The following ATG2B variants were observed in gnomAD, a reference collection of about 807,000 sequenced individuals.
The protein encoded by ATG2B is autophagy-related protein 2 homolog B.
A neutral mutation model predicts 241.3 loss-of-function variants in ATG2B; 121 were observed. The observed-to-expected ratio is 0.50, with a 90% CI of 0.43 to 0.58. The LOEUF is 0.58. Ranked by LOEUF, ATG2B falls within the 20% of genes least tolerant of loss-of-function variation. The pLI is 0.00. For missense variants in ATG2B, 2,306 were observed against 2,491.6 expected, an observed-to-expected ratio of 0.93 and a Z score of 1.59; for synonymous variants, 858 against 876.6, an observed-to-expected ratio of 0.98 and a Z score of 0.37.
intron 28 of ATG2B, among the ~76,000 whole-genome samples, chr14:96,310,890 T>G (rs922070329): frequency 6.6e-6 from 1 of 151,932 alleles, no homozygotes; most frequent in Non-Finnish European, 1.5e-5. Context: ...AAAAAAAGTA[T>G]GATGTTTGCT....
intron 10 of ATG2B, 62 bp downstream of exon 10, chr14:96,332,243 A>G: frequency 7.9e-7 from 1 of 1,270,958 alleles, no homozygotes; most frequent in Non-Finnish European, 1.1e-6. Context: ...GAAAAGCACC[A>G]GTAGAATGGC....
chr14:96,347,030 C>T lies in ATG2B; in HGVS notation c.325+149G>A, dbSNP rs904870878. On this transcript the variant is annotated intron_variant, in intron 2 of 41. Coordinates refer to ENST00000359933, the MANE Select transcript of ATG2B (RefSeq NM_018036.7). The stretch of plus-strand genomic sequence containing the variant: ...AAACAACTCTAAATTTGTAAACATG[C>T]ACATTCTACAAAGAGCCAAGTCGTA... 1.4e-4 allele frequency: 76 copies of T among 562,404 alleles called. No homozygotes were observed. The African/African-American group carries it at 1.4e-3, about 10-fold the overall frequency. 34.8% of individuals were successfully genotyped at this position (562,404 alleles called of 1,614,324 possible).
Position 96,314,211 on chromosome 14 carries a change from C to T in ATG2B, c.3643-776G>A, listed in dbSNP as rs141753945. On this transcript the variant is annotated intron_variant, in intron 23 of 41. Transcript: ENST00000359933. ...TCATGAGAAAAGAATTTTGAAAACA[C>T]TCAAGTTTTTAAATAATGTATTATT... 3.1e-3 allele frequency among the ~76,000 whole-genome samples: 472 copies of T among 152,294 alleles called. 1 individual carries two copies. The highest frequency in any genetic ancestry group is 0.011 in the African/African-American group (438 of 41,556).
rs903124497 is a variant in ATG2B, at chr14:96,312,404, T to C, written c.3843-245A>G. Among the ~76,000 whole-genome samples, 6 of 152,278 alleles carry C rather than the reference T, an allele frequency of 3.9e-5. No individual in the cohort carries two copies. In the South Asian group the frequency reaches 8.3e-4, roughly 21 times the overall value. On this transcript the variant is annotated intron_variant, in intron 25 of 41. Coordinates refer to ENST00000359933, the MANE Select transcript of ATG2B (RefSeq NM_018036.7). Reference sequence around the variant, plus strand: ...CAAATTAATTCTAAATTTTTGGCAGTTTTTAAAGAGATGCCCAAATTCACA... The same window carrying C: ...CAAATTAATTCTAAATTTTTGGCAGCTTTTAAAGAGATGCCCAAATTCACA...
chr14:96,295,390 A>C, intron 35 of ATG2B, 92 bp downstream of exon 35: 1 of 928,078 alleles, frequency 1.1e-6, no homozygotes, highest in Non-Finnish European at 1.6e-6. Context: ...AGTGGGAATA[A>C]ATATTGTAAG....
rs768089211 is a variant in ATG2B, at chr14:96,333,684, T to G, written c.1207+4A>C. 2 of 1,611,350 alleles carry G rather than the reference T, an allele frequency of 1.2e-6. No individual in the cohort carries two copies. Among genetic ancestry groups the G allele is most frequent in the Non-Finnish European group, 1.7e-6 (2 of 1,178,830 alleles). On this transcript the variant is annotated splice_donor_region_variant and intron_variant, in intron 8 of 41. Transcript: ENST00000359933. The stretch of plus-strand genomic sequence containing the variant: ...TTCTGGTGTCAACAGTTTGAGTTGC[T>G]TACCACGGCTAGAAGGTGTACGAGC...
chr14:96,341,585 C>T lies in ATG2B; in HGVS notation c.861G>A (p.Arg287=). The T allele has an allele frequency of 6.2e-7, 1 of 1,604,602 alleles. No homozygotes were observed. The highest frequency in any genetic ancestry group is 1.1e-5 in the South Asian group (1 of 89,404). Residue 287 remains arginine (R), a synonymous_variant, in exon 6 of 42, where the codon CGG becomes CGA. Coordinates refer to ENST00000359933, the MANE Select transcript of ATG2B (RefSeq NM_018036.7). ...IAPSDPVQIG[R]LIGRLELSLT... ...GACTCAACTCCAACCTACCAATTAACCGTCCAATCTGCACTGGGTCAGAAG... is the reference window on the plus strand; with the variant it reads ...GACTCAACTCCAACCTACCAATTAATCGTCCAATCTGCACTGGGTCAGAAG...
At chr14:96,353,419 G>A (rs1188820299) in intron 1 of ATG2B, among the ~76,000 whole-genome samples, 1 of 152,096 alleles carries the variant, frequency 6.6e-6, no homozygotes, top group African/African-American at 2.4e-5. Flanking sequence ...GAGCTCAGGA[G>A]TTCAAGACCA....
chr14:96,313,954 T>C (rs1249721756), intron 23 of ATG2B, among the ~76,000 whole-genome samples: 1 of 152,208 alleles, frequency 6.6e-6, no homozygotes, highest in East Asian at 1.9e-4. Context: ...GCAGGGGCGA[T>C]TGGTTTTTCA....
At chr14:96,348,023 T>C (rs183156761) in intron 1 of ATG2B, among the ~76,000 whole-genome samples, 3 of 152,350 alleles carry the variant, frequency 2.0e-5, no homozygotes, top group Middle Eastern at 3.4e-3. Flanking sequence ...ATGGAAGAGA[T>C]ATCCACGCTC....
chr14:96,342,378 T>C (rs1888060472), intron 5 of ATG2B, among the ~76,000 whole-genome samples: 1 of 152,058 alleles, frequency 6.6e-6, no homozygotes, highest in Non-Finnish European at 1.5e-5. Flanking sequence ...ACAAAATTAT[T>C]GAAAATATTG....
intron 29 of ATG2B, among the ~76,000 whole-genome samples, chr14:96,308,266 A>G (rs1472576729): frequency 4.5e-4 from 7 of 15,550 alleles, no homozygotes; most frequent in Admixed American, 7.4e-4. Context: ...ACATATATAT[A>G]TATATATATA....
At position 96,313,406 on chromosome 14, in the gene ATG2B, T is replaced by A. The variant is rs1417746444; in HGVS notation, c.3672A>T (p.Glu1224Asp). ...TTGGAGGATTATATCCCAAAACAGG[T>A]TCATCAGCAATATTCAAGAAGTATA... ...QILYFLNIAD[E>D]PVLGYNPPTS... is the part of the protein sequence containing the mutation. Residue 1224 changes from glutamate to aspartate, a missense_variant, in exon 24 of 42, where the codon GAA becomes GAT. Physicochemically the swap from Glu to Asp is conservative, Grantham distance 45 (BLOSUM62 2). Coordinates refer to ENST00000359933, the MANE Select transcript of ATG2B (RefSeq NM_018036.7). The A allele has an allele frequency of 2.5e-6, 4 of 1,588,160 alleles. No homozygotes were observed. The Admixed American group carries it at 5.6e-5, about 22-fold the overall frequency.
chr14:96,297,744 T>C (rs1452530455), intron 34 of ATG2B, among the ~76,000 whole-genome samples: 1 of 152,116 alleles, frequency 6.6e-6, no homozygotes, highest in African/African-American at 2.4e-5. Flanking sequence ...TTGATTTTGG[T>C]ATTTATGCTA....
In ATG2B at chr14:96,320,251, T is replaced by C. The variant is rs369240950; in HGVS notation, c.2879+1861A>G. ...CCTATCAGTGGAGTTATATATTTCA[T>C]ATACTCGCCAAAGACCAACTGTGTC... On this transcript the variant is annotated intron_variant, in intron 18 of 41. Transcript: ENST00000359933. Among the ~76,000 whole-genome samples, 16 of 152,316 alleles carry C rather than the reference T, an allele frequency of 1.1e-4. 1 individual carries two copies. The highest frequency in any genetic ancestry group is 9.6e-4 in the East Asian group (5 of 5,188).
chr14:96,296,484 G>A lies in ATG2B; in HGVS notation c.5140-924C>T, dbSNP rs150927729. Among the ~76,000 whole-genome samples, 645 of 152,044 alleles carry A rather than the reference G, an allele frequency of 4.2e-3. 26 individuals carry two copies. The South Asian group carries it at 0.067, about 16-fold the overall frequency. On this transcript the variant is annotated intron_variant, in intron 34 of 41. Transcript: ENST00000359933. ...TTCCTTTCATAATCCTAAACTGGCC[G>A]GGTGCAGTGGCTCACATCTGTAATC...
In ATG2B at chr14:96,303,141, G is replaced by A. The variant is rs773625847; in HGVS notation, c.4957C>T (p.Arg1653Cys). ...TTATTCATTTGTGATGTTGCCAAAC[G>A]ATCTCGAATCTCAAGATCCTGAACA... ...FIVQDLEIRD[R>C]LATSQMNKFL... Residue 1653 changes from arginine to cysteine, a missense_variant, in exon 33 of 42, where the codon CGT becomes TGT. Arg to Cys is a radical substitution (Grantham distance 180). Coordinates refer to ENST00000359933, the MANE Select transcript of ATG2B (RefSeq NM_018036.7). 1.9e-6 allele frequency: 3 copies of A among 1,613,102 alleles called. No individual in the cohort carries two copies. Among genetic ancestry groups the A allele is most frequent in the East Asian group, 2.2e-5 (1 of 44,808 alleles).
intron 29 of ATG2B, among the ~76,000 whole-genome samples, chr14:96,307,983 A>C (rs1225307335): frequency 6.6e-6 from 1 of 151,550 alleles, no homozygotes; most frequent in Non-Finnish European, 1.5e-5. Flanking sequence ...ACTGGCTTTA[A>C]GAGACTCACA....
chr14:96,328,451 TG>T lies in ATG2B; in HGVS notation c.2058del (p.Ser687ValfsTer6). On this transcript the variant is annotated frameshift_variant, in exon 14 of 42. Coordinates refer to ENST00000359933, the MANE Select transcript of ATG2B (RefSeq NM_018036.7). LOFTEE classifies it high-confidence loss of function. ...KLNPVCCELD[I>X]SIVDRLNSLL... ...AAGGAATTTAACCTGTCCACAATAC[TG>T]ATATCCAGCTCACAACACACTGGAT... 1 of 1,613,656 alleles carries T rather than the reference TG, an allele frequency of 6.2e-7. No individual in the cohort carries two copies. Among genetic ancestry groups the T allele is most frequent in the Non-Finnish European group, 8.5e-7 (1 of 1,179,860 alleles).
Sources: gnomAD v4.1 joint callset for allele counts (sites outside exome capture counted in the v4.1 genomes callset) on GRCh38, gnomAD v4.1.1 for gene constraint, MANE v1.5 for transcripts, NCBI Gene and HGNC (gene_info 2026-07-23, HGNC 2026-07-21) for gene names.